Variants in PTPRD observed in about 807,000 individuals in gnomAD.
PTPRD encodes the protein protein tyrosine phosphatase receptor type D.
A neutral mutation model predicts 214.5 loss-of-function variants in PTPRD; 34 were observed. The observed-to-expected ratio is 0.16, with a 90% CI of 0.12 to 0.21. The LOEUF is 0.21. PTPRD is among the 10% of genes least tolerant of loss of function. PTPRD has a pLI of 1.00. For synonymous variants in PTPRD, 1,128 were observed against 845.7 expected (o/e 1.33, Z -5.79); for missense variants, 2,545 against 2,398.7 (o/e 1.06, Z -1.27).
intron 7 of PTPRD, among the ~76,000 whole-genome samples, chr9:9,628,699 G>A (rs1319362470): frequency 1.3e-5 from 2 of 151,986 alleles, no homozygotes; most frequent in East Asian, 3.9e-4. Flanking sequence ...GTAATCTTAA[G>A]AGGCAAGTGC....
At chr9:8,714,367 C>T (rs1192436177) in intron 12 of PTPRD, among the ~76,000 whole-genome samples, 2 of 152,020 alleles carry the variant, frequency 1.3e-5, no homozygotes, top group African/African-American at 4.8e-5. Context: ...CTGCCCTTTG[C>T]AGACACTAGT....
chr9:9,891,969 C>G (rs528552035), intron 5 of PTPRD, among the ~76,000 whole-genome samples: 16 of 152,106 alleles, frequency 1.1e-4, no homozygotes, highest in African/African-American at 3.9e-4. Context: ...CAAGGCTAAG[C>G]TAGAAAACAG....
intron 39 of PTPRD, among the ~76,000 whole-genome samples, chr9:8,368,676 C>CTTTTTTTTTTT (rs199556434): frequency 8.5e-6 from 1 of 117,304 alleles, no homozygotes. Flanking sequence ...CCTTTTAATG[C>CTTTTTTTTTTT]TTTTTTTTTT....
At chr9:9,283,477 T>G (rs2133717048) in intron 9 of PTPRD, among the ~76,000 whole-genome samples, 1 of 24,484 alleles carries the variant, frequency 4.1e-5, no homozygotes, top group South Asian at 8.3e-4. Flanking sequence ...TGTCTATAAT[T>G]TTAGCTTTAT....
chr9:8,669,460 G>A (rs2097235495), intron 12 of PTPRD, among the ~76,000 whole-genome samples: 1 of 152,128 alleles, frequency 6.6e-6, no homozygotes, highest in Admixed American at 6.6e-5. Flanking sequence ...CAGGGAGAAG[G>A]ATGTGGGAAA....
chr9:9,195,415 C>A (rs2028779), intron 9 of PTPRD, among the ~76,000 whole-genome samples: 53,875 of 151,772 alleles, frequency 0.35, 10,097 homozygotes, highest in East Asian at 0.72. Context: ...CAGAATATCT[C>A]GTTTAGTCTA....
intron 9 of PTPRD, among the ~76,000 whole-genome samples, chr9:9,228,500 T>C (rs1458908208): frequency 2.0e-5 from 3 of 152,124 alleles, no homozygotes; most frequent in African/African-American, 7.2e-5. Flanking sequence ...CATATCTGAA[T>C]GTGTGTGATC....
At chr9:9,970,934 TA>T (rs1434212375) in intron 4 of PTPRD, among the ~76,000 whole-genome samples, 7 of 152,346 alleles carry the variant, frequency 4.6e-5, no homozygotes, top group African/African-American at 1.7e-4. Flanking sequence ...TTCTAAATTT[TA>T]AATTTAAATT....
intron 9 of PTPRD, among the ~76,000 whole-genome samples, chr9:9,252,627 G>T (rs116320300): frequency 0.023 from 3,455 of 152,046 alleles, 141 homozygotes; most frequent in African/African-American, 0.08. Flanking sequence ...GACTGCAGGT[G>T]CATACCACAT....
chr9:9,662,524 T>C (rs1594601783), intron 7 of PTPRD, among the ~76,000 whole-genome samples: 1 of 151,728 alleles, frequency 6.6e-6, no homozygotes, highest in Admixed American at 6.6e-5. Context: ...CATTCCTTAT[T>C]ATTTTATGAC....
intron 2 of PTPRD, among the ~76,000 whole-genome samples, chr9:10,411,648 C>A (rs1431470308): frequency 6.6e-6 from 1 of 151,686 alleles, no homozygotes; most frequent in East Asian, 2.0e-4. Context: ...AAACAAATTG[C>A]TGTAGTCATT....
chr9:8,945,511 G>T (rs564834018), intron 11 of PTPRD, among the ~76,000 whole-genome samples: 13 of 151,934 alleles, frequency 8.6e-5, no homozygotes, highest in African/African-American at 2.7e-4. Context: ...TTGCTCGCTA[G>T]AATCCTCCTA....
At chr9:10,279,137 A>G (rs970448311) in intron 3 of PTPRD, among the ~76,000 whole-genome samples, 5 of 151,924 alleles carry the variant, frequency 3.3e-5, no homozygotes, top group African/African-American at 1.2e-4. Context: ...TGGATAATCA[A>G]TCATAATTCT....
rs1400408594 is a variant in PTPRD, at chr9:8,528,617, T to C, written c.515A>G (p.Asn172Ser). 1.2e-6 allele frequency: 2 copies of C among 1,613,718 alleles called. No homozygotes were observed. The highest frequency in any genetic ancestry group is 2.2e-5 in the East Asian group (1 of 44,856). The change falls in exon 15 of 46, where the codon AAT becomes AGT. Residue 172 changes from asparagine (N) to serine (S), a missense_variant. Asn to Ser is a conservative substitution (Grantham distance 46, BLOSUM62 1). Coordinates refer to ENST00000381196, the MANE Select transcript of PTPRD (RefSeq NM_002839.4). ...DFLPVDTSNN[N>S]GRIKQLRSES... is the part of the protein sequence containing the mutation. Reference sequence around the variant, plus strand: ...TGATCGTAACTGCTTAATACGACCATTGTTGTTGCTTGTGTCCACAGGTAA... The same window carrying C: ...TGATCGTAACTGCTTAATACGACCACTGTTGTTGCTTGTGTCCACAGGTAA...
rs1215692458 is a variant in PTPRD at position 8,644,951 on chromosome 9, G to C, written c.65-8107C>G. On this transcript the variant is annotated intron_variant, in intron 12 of 45. Transcript: ENST00000381196. ...CAAAACTTGGATAAAGGTGCCACTG[G>C]CCACAGAGGTTTCTGGCCAGGAAAA... 3.9e-5 allele frequency among the ~76,000 whole-genome samples: 6 copies of C among 152,224 alleles called. No individual in the cohort carries two copies. In the East Asian group the frequency reaches 1.2e-3, roughly 29 times the overall value.
chr9:8,759,969 T>C (rs1179786012), intron 11 of PTPRD, among the ~76,000 whole-genome samples: 1 of 152,222 alleles, frequency 6.6e-6, no homozygotes, highest in Non-Finnish European at 1.5e-5. Flanking sequence ...ACAAAGTTTG[T>C]CTGTGTCCCT....
intron 7 of PTPRD, among the ~76,000 whole-genome samples, chr9:9,675,083 T>G (rs544434715): frequency 2.0e-5 from 3 of 152,036 alleles, no homozygotes; most frequent in Admixed American, 6.6e-5. Context: ...GGAACAAGTC[T>G]AACATATTTA....
chr9:10,493,551 GA>G (rs1447420734), intron 2 of PTPRD, among the ~76,000 whole-genome samples: 1 of 152,088 alleles, frequency 6.6e-6, no homozygotes, highest in African/African-American at 2.4e-5. Flanking sequence ...GCCATATGCA[GA>G]AAACTGAAAC....
In PTPRD at chr9:9,053,370, T is replaced by C. The variant is rs918683136; in HGVS notation, c.-142-34635A>G. Among the ~76,000 whole-genome samples the C allele has an allele frequency of 4.0e-5, 6 of 151,450 alleles. No homozygotes were observed. In the East Asian group the frequency reaches 1.2e-3, roughly 29 times the overall value. ...TCATATGAGTGCTGAAAAATGCTAGTTGTTATGATGGCCAATGATGATGAT... is the reference window on the plus strand; with the variant it reads ...TCATATGAGTGCTGAAAAATGCTAGCTGTTATGATGGCCAATGATGATGAT... On this transcript the variant is annotated intron_variant, in intron 10 of 45. Transcript: ENST00000381196.
Sources: allele counts gnomAD v4.1 joint callset (sites outside exome capture counted in the v4.1 genomes callset), GRCh38; gene constraint gnomAD v4.1.1; transcripts MANE v1.5; gene names NCBI Gene and HGNC (gene_info 2026-07-23, HGNC 2026-07-21).